The following ICA1 variants were observed in gnomAD, a reference collection of about 807,000 sequenced individuals.
ICA1 encodes the protein 69 kDa islet cell autoantigen.
In ICA1, 40 loss-of-function variants were observed where a neutral mutation model predicts 71.0. The observed-to-expected ratio is 0.56, with a 90% CI of 0.44 to 0.73. ICA1 has a LOEUF of 0.73. Among genes scored for constraint, ICA1 ranks in the 30% least tolerant of loss-of-function variants. The pLI, the probability that ICA1 is intolerant of heterozygous loss-of-function variation, is 0.00. For synonymous variants in ICA1, 207 were observed against 209.5 expected (o/e 0.99, Z 0.10); for missense variants, 578 against 576.5 (o/e 1.00, Z -0.03).
intron 7 of ICA1, chr7:8,158,269 G>C (rs1802445405): frequency 2.3e-6 from 1 of 442,492 alleles, no homozygotes; most frequent in Admixed American, 3.9e-5. Context: ...CACGGATGGA[G>C]GAGAAAGGCA....
intron 6 of ICA1, among the ~76,000 whole-genome samples, chr7:8,215,186 C>G (rs1033689231): frequency 1.1e-4 from 16 of 152,290 alleles, no homozygotes; most frequent in Middle Eastern, 3.4e-3. Context: ...CTTTTCTATT[C>G]CAGTCCTGTC....
chr7:8,164,581 T>C (rs1176620036), intron 6 of ICA1, among the ~76,000 whole-genome samples: 2 of 152,228 alleles, frequency 1.3e-5, no homozygotes, highest in South Asian at 2.1e-4. Flanking sequence ...TCAGACCACA[T>C]CAGAAATCTT....
rs1266207854 is a variant in ICA1, at chr7:8,234,765, T to C, written c.17+1145A>G. Among the ~76,000 whole-genome samples the C allele has an allele frequency of 6.6e-6, 1 of 152,220 alleles. No individual in the cohort carries two copies. Among genetic ancestry groups the C allele is most frequent in the East Asian group, 1.9e-4 (1 of 5,202 alleles). ...AAAATAAGATAATGTATAAAACTTA[T>C]GTAAAAGATAATCTCTCTATAGAAT... is the stretch of plus-strand genomic sequence containing the variant. On this transcript the variant is annotated intron_variant, in intron 2 of 13. Coordinates refer to ENST00000402384, the MANE Select transcript of ICA1 (RefSeq NM_001136020.3). This position sits in a 1 kb window ranked among gnomAD's most constrained non-coding sequence, Gnocchi z 4.5.
chr7:8,209,887 G>A (rs1793033723), intron 6 of ICA1, among the ~76,000 whole-genome samples: 1 of 152,110 alleles, frequency 6.6e-6, no homozygotes, highest in Admixed American at 6.5e-5. Context: ...ATTTTAATGA[G>A]GCTGGAAACA....
intron 13 of ICA1, among the ~76,000 whole-genome samples, chr7:8,118,367 C>T (rs1181146834): frequency 6.6e-6 from 1 of 152,162 alleles, no homozygotes. Flanking sequence ...AAGTACTAGG[C>T]TTGGAGGGAG....
intron 2 of ICA1, among the ~76,000 whole-genome samples, chr7:8,235,221 T>A (rs1801474278): frequency 6.6e-6 from 1 of 152,170 alleles, no homozygotes; most frequent in African/African-American, 2.4e-5. Context: ...TGTAACACAT[T>A]TGTTTTTCAT....
intron 6 of ICA1, among the ~76,000 whole-genome samples, chr7:8,158,933 C>A (rs1422187562): frequency 6.6e-6 from 1 of 152,150 alleles, no homozygotes; most frequent in East Asian, 1.9e-4. Context: ...ACAAACTGAT[C>A]ATGGTTGGGA....
At chr7:8,255,697 A>AATT (rs1554396138) in intron 1 of ICA1, among the ~76,000 whole-genome samples, 3 of 11,676 alleles carry the variant, frequency 2.6e-4, no homozygotes, top group Admixed American at 1.5e-3. Flanking sequence ...TGCACTCTCA[A>AATT]ATTCTTCTTT....
intron 1 of ICA1, among the ~76,000 whole-genome samples, chr7:8,255,781 T>C (rs1298779998): frequency 2.0e-5 from 3 of 146,958 alleles, no homozygotes; most frequent in South Asian, 2.1e-4. Context: ...TTCTTTCTCT[T>C]TTTTTTTTTT....
rs1562837126 is a variant in ICA1 at position 8,174,775 on chromosome 7, A to AAAAACCAAAG, written c.580-16124_580-16123insCTTTGGTTTT. The stretch of plus-strand genomic sequence containing the variant: ...TATCTCAAAAAAAAAAAAAAAAAAA[A>AAAAACCAAAG]AAAACAGAGAGAGAGACAAATGAGA... On this transcript the variant is annotated intron_variant, in intron 6 of 13. Transcript: ENST00000402384. Among the ~76,000 whole-genome samples the AAAAACCAAAG allele has an allele frequency of 2.0e-3, 219 of 111,386 alleles. 3 individuals are homozygous for AAAAACCAAAG. The highest frequency in any genetic ancestry group is 7.2e-3 in the African/African-American group (186 of 25,770). The allele number at this position is 111,386 out of a possible 152,430, so 73.1% of individuals were successfully genotyped here.
At chr7:8,129,455 G>C (rs749105765) in intron 12 of ICA1, among the ~76,000 whole-genome samples, 1 of 151,972 alleles carries the variant, frequency 6.6e-6, no homozygotes, top group Non-Finnish European at 1.5e-5. Context: ...AAAGATGAAG[G>C]GGATTTCTGA....
upstream of ICA1, chr7:8,262,529 C>G (rs1421173450): frequency 3.3e-5 from 5 of 152,360 alleles, no homozygotes; most frequent in South Asian, 8.3e-4. Context: ...CCTGGGGTAT[C>G]CCCCGCTCGG....
At chr7:8,192,506 G>C (rs1440010713) in intron 6 of ICA1, among the ~76,000 whole-genome samples, 3 of 152,156 alleles carry the variant, frequency 2.0e-5, no homozygotes, top group African/African-American at 7.2e-5. Flanking sequence ...GATGGTGTTT[G>C]CCAGGTTTCT....
At position 8,138,993 on chromosome 7, in the gene ICA1, G is replaced by A. The variant is rs527352162; in HGVS notation, c.1010C>T (p.Ala337Val). The change falls in exon 11 of 14, where the codon GCA becomes GTA. Residue 337 changes from alanine to valine, a missense_variant. Coordinates refer to ENST00000402384, the MANE Select transcript of ICA1 (RefSeq NM_001136020.3). ...SALDKGSTHT[A>V]CSGPIDELLD... The stretch of plus-strand genomic sequence containing the variant: ...TCCTTAATCTAGGTTACCTGAGCAT[G>A]CAGTATGTGTAGAGCCTTTGTCTAA... The A allele has an allele frequency of 5.6e-5, 90 of 1,612,402 alleles. No individual in the cohort carries two copies. In the South Asian group the frequency reaches 9.7e-4, roughly 17 times the overall value.
chr7:8,241,441 G>A (rs1803844633), intron 1 of ICA1, among the ~76,000 whole-genome samples: 2 of 152,134 alleles, frequency 1.3e-5, no homozygotes, highest in Non-Finnish European at 2.9e-5. Context: ...AGGAATGACT[G>A]GTACCAGCCA....
At position 8,142,869 on chromosome 7, in the gene ICA1, C is replaced by T. The variant is rs74690432; in HGVS notation, c.902+1006G>A. Among the ~76,000 whole-genome samples, 1,319 of 152,366 alleles carry T rather than the reference C, an allele frequency of 8.7e-3. 20 individuals carry two copies. Among genetic ancestry groups the T allele is most frequent in the African/African-American group, 0.03 (1,246 of 41,590 alleles). On this transcript the variant is annotated intron_variant, in intron 9 of 13. Coordinates refer to ENST00000402384, the MANE Select transcript of ICA1 (RefSeq NM_001136020.3). Reference sequence around the variant, plus strand: ...TTTACTAGATTCAGATCACATTCTACAGTCTGTCCTTCAGTGAGAACTTGT... The same window carrying T: ...TTTACTAGATTCAGATCACATTCTATAGTCTGTCCTTCAGTGAGAACTTGT...
chr7:8,151,787 T>C (rs2128162966), intron 8 of ICA1, among the ~76,000 whole-genome samples: 1 of 152,300 alleles, frequency 6.6e-6, no homozygotes, highest in Admixed American at 6.5e-5. Flanking sequence ...GAAAAGGATG[T>C]TTTTTGAATT....
intron 6 of ICA1, among the ~76,000 whole-genome samples, chr7:8,194,456 AG>A (rs1355883702): frequency 2.0e-5 from 3 of 152,246 alleles, no homozygotes; most frequent in African/African-American, 7.2e-5. Context: ...CTTATTTGTG[AG>A]AAAAGGCTAT....
chr7:8,129,924 A>G (rs914212090), intron 12 of ICA1, among the ~76,000 whole-genome samples: 1 of 135,034 alleles, frequency 7.4e-6, no homozygotes, highest in African/African-American at 2.8e-5. Flanking sequence ...TCATTGTTCA[A>G]TTCCCACCTA....
Sources: allele counts gnomAD v4.1 joint callset (sites outside exome capture counted in the v4.1 genomes callset), GRCh38; gene constraint gnomAD v4.1.1; non-coding constraint Gnocchi (gnomAD v3.1); transcripts MANE v1.5; gene names NCBI Gene and HGNC (gene_info 2026-07-23, HGNC 2026-07-21).